CFAP221: variants seen among roughly 807,000 people sequenced by gnomAD.
CFAP221 encodes cilia and flagella associated protein 221.
CFAP221 carries 97 observed loss-of-function variants against 113.1 expected under a neutral mutation model. The observed-to-expected ratio is 0.86, with a 90% CI of 0.73 to 1.02. The LOEUF (loss-of-function observed/expected upper bound fraction) is 1.02, where lower values mean the gene tolerates loss of function less well. Among genes scored for constraint, CFAP221 ranks in the 50% least tolerant of loss-of-function variants. The pLI is 0.00. For missense variants in CFAP221, 1,025 were observed against 1,013.4 expected (o/e 1.01, Z -0.16); for synonymous variants, 331 against 354.4 (o/e 0.93, Z 0.74).
intron 6 of CFAP221, among the ~76,000 whole-genome samples, chr2:119,564,565 C>T (rs967260446): frequency 1.3e-5 from 2 of 152,178 alleles, no homozygotes; most frequent in African/African-American, 4.8e-5. Flanking sequence ...CATGCACATG[C>T]ACCCCTAAAT....
chr2:119,660,077 C>G (rs576322415), downstream of CFAP221: 1 of 152,236 alleles, frequency 6.6e-6, no homozygotes, highest in Non-Finnish European at 1.5e-5. Flanking sequence ...AGACTTTGAG[C>G]CTGTTCCCAT....
chr2:119,626,277 C>T (rs888297712), intron 15 of CFAP221, among the ~76,000 whole-genome samples: 1 of 152,172 alleles, frequency 6.6e-6, no homozygotes, highest in African/African-American at 2.4e-5. Flanking sequence ...TGCAGAGTGC[C>T]TTTTACCATG....
downstream of CFAP221, among the ~76,000 whole-genome samples, chr2:119,659,007 AAG>A (rs1177755502): frequency 2.9e-4 from 3 of 10,198 alleles, no homozygotes; most frequent in Non-Finnish European, 1.1e-3. Flanking sequence ...AAAAAAGAAA[AAG>A]AAAAAAAAAA....
chr2:119,610,107 A>G (rs147312464), intron 12 of CFAP221, among the ~76,000 whole-genome samples: 56 of 152,326 alleles, frequency 3.7e-4, no homozygotes, highest in Middle Eastern at 3.4e-3. Context: ...TTTAAAGGTG[A>G]AGTTGGCACA....
At chr2:119,630,082 G>A in intron 17 of CFAP221, 127 bp downstream of exon 17, 1 of 790,560 alleles carries the variant, frequency 1.3e-6, no homozygotes, top group Non-Finnish European at 2.0e-6. Context: ...ACACTCTACT[G>A]TTTTTGGATG....
intron 19 of CFAP221, among the ~76,000 whole-genome samples, chr2:119,633,029 A>C (rs565233071): frequency 1.1e-4 from 17 of 152,252 alleles, no homozygotes; most frequent in Admixed American, 7.2e-4. Context: ...AATGGAACAG[A>C]ATAGAGGATC....
chr2:119,608,650 T>G, intron 12 of CFAP221, 61 bp downstream of exon 12: 1 of 1,391,020 alleles, frequency 7.2e-7, no homozygotes. Context: ...ATTCCTACTA[T>G]ATGCAAGATG....
intron 14 of CFAP221, among the ~76,000 whole-genome samples, chr2:119,624,299 G>A (rs1345308382): frequency 6.6e-6 from 1 of 152,178 alleles, no homozygotes; most frequent in African/African-American, 2.4e-5. Flanking sequence ...TTAGGGAAAT[G>A]CAAATCAAAA....
intron 7 of CFAP221, 36 bp downstream of exon 7, chr2:119,587,258 G>A (rs1020435547): frequency 8.0e-6 from 11 of 1,367,760 alleles, no homozygotes; most frequent in Non-Finnish European, 1.1e-5. Context: ...CTAAAAACAA[G>A]AATAAGCTGC....
intron 7 of CFAP221, among the ~76,000 whole-genome samples, chr2:119,591,320 G>A (rs772216804): frequency 2.6e-5 from 4 of 152,208 alleles, no homozygotes; most frequent in African/African-American, 7.2e-5. Flanking sequence ...TTTAGAGGAC[G>A]TAGGTAATTA....
chr2:119,545,250 C>T (rs1182277684), intron 1 of CFAP221: 1 of 152,270 alleles, frequency 6.6e-6, no homozygotes, highest in Non-Finnish European at 1.5e-5. Context: ...CGACCAGCCC[C>T]ATGGCCTGCG....
At chr2:119,590,275 C>T (rs1683509264) in intron 7 of CFAP221, 1 of 152,116 alleles carries the variant, frequency 6.6e-6, no homozygotes, top group South Asian at 2.1e-4. Flanking sequence ...GCATTTTCTT[C>T]TGAAAGGCAC....
rs11349518 is a variant in CFAP221 at position 119,647,053 on chromosome 2, A to AT, written c.2318+17dup. 1.5e-3 allele frequency: 1,977 copies of AT among 1,305,018 alleles called. 11 individuals are homozygous for AT. The African/African-American group carries it at 0.026, about 17-fold the overall frequency. The allele number at this position is 1,305,018 out of a possible 1,614,324, so 80.8% of individuals were successfully genotyped here. ...GACAGACTAGAAACAGTAGAACGGT[A>AT]TTTTTTTTTTTTTTAATCTTTGGCC... On this transcript the variant is annotated splice_donor_region_variant and intron_variant, in intron 22 of 23. Transcript: ENST00000413369.
chr2:119,567,173 C>A (rs1681708005), intron 6 of CFAP221, among the ~76,000 whole-genome samples: 1 of 152,204 alleles, frequency 6.6e-6, no homozygotes, highest in Non-Finnish European at 1.5e-5. Flanking sequence ...ACTCTTGGTG[C>A]TGTATAGCCT....
At chr2:119,582,536 A>T (rs1001268904) in intron 6 of CFAP221, among the ~76,000 whole-genome samples, 8 of 150,706 alleles carry the variant, frequency 5.3e-5, no homozygotes, top group Admixed American at 1.3e-4. Flanking sequence ...GCTCACTAGA[A>T]CCTCCGCGTT....
rs1289534213 is a variant in CFAP221 at position 119,577,447 on chromosome 2, A to G, written c.528-9672A>G. 2.0e-5 allele frequency among the ~76,000 whole-genome samples: 3 copies of G among 152,222 alleles called. No individual in the cohort carries two copies. In the East Asian group the frequency reaches 5.8e-4, roughly 29 times the overall value. ...CAAGGCACAGAGGGATCAGTTTCAAAGAGAGCAGCAGGAGGGAAGGGGACT... is the reference window on the plus strand; with the variant it reads ...CAAGGCACAGAGGGATCAGTTTCAAGGAGAGCAGCAGGAGGGAAGGGGACT... On this transcript the variant is annotated intron_variant, in intron 6 of 23. Coordinates refer to ENST00000413369, the MANE Select transcript of CFAP221 (RefSeq NM_001271049.2).
At chr2:119,567,414 T>C (rs1463290738) in intron 6 of CFAP221, among the ~76,000 whole-genome samples, 1 of 152,232 alleles carries the variant, frequency 6.6e-6, no homozygotes, top group African/African-American at 2.4e-5. Flanking sequence ...AAAATATGCA[T>C]TTAAGTTTCC....
Position 119,602,373 on chromosome 2 carries a change from TCAAA to T in CFAP221, c.791+1013_791+1016del, listed in dbSNP as rs769480223. On this transcript the variant is annotated intron_variant, in intron 8 of 23. Coordinates refer to ENST00000413369, the MANE Select transcript of CFAP221 (RefSeq NM_001271049.2). The stretch of plus-strand genomic sequence containing the variant: ...CTGGGTGCCAGAGCGAGACATCATC[TCAAA>T]CAAACAAACAAACAAAAAAGTTGTC... Among the ~76,000 whole-genome samples, 72 of 152,170 alleles carry T rather than the reference TCAAA, an allele frequency of 4.7e-4. 1 individual carries two copies. In the Middle Eastern group the frequency reaches 0.014, roughly 29 times the overall value.
chr2:119,627,619 T>G, intron 15 of CFAP221, 34 bp from the exon 16 acceptor site: 3 of 1,603,534 alleles, frequency 1.9e-6, no homozygotes, highest in Non-Finnish European at 2.6e-6. Flanking sequence ...ATACCTTTAG[T>G]ACCCCCTAAA....
Sources: gnomAD v4.1 joint callset for allele counts (sites outside exome capture counted in the v4.1 genomes callset) on GRCh38, gnomAD v4.1.1 for gene constraint, MANE v1.5 for transcripts, NCBI Gene and HGNC (gene_info 2026-07-23, HGNC 2026-07-21) for gene names.